SLC27A5: variants seen among roughly 807,000 people sequenced by gnomAD.
SLC27A5 encodes the protein solute carrier family 27 member 5, also known as long-chain fatty acid transport protein 5.
Under a neutral mutation model 63.1 loss-of-function variants are expected in SLC27A5, and 47 were observed. The ratio of observed to expected loss-of-function variants is 0.74; its 90% CI spans 0.59 to 0.95. The LOEUF is 0.95. Ranked by LOEUF, SLC27A5 falls within the 40% of genes least tolerant of loss-of-function variation. The pLI is 0.00. For synonymous variants in SLC27A5, 391 were observed against 403.8 expected, an observed-to-expected ratio of 0.97 and a Z score of 0.38; for missense variants, 940 against 921.0, an observed-to-expected ratio of 1.02 and a Z score of -0.27.
chr19:58,499,706 GA>G lies in SLC27A5; in HGVS notation c.1469-17del, dbSNP rs1426852914. On this transcript the variant is annotated splice_polypyrimidine_tract_variant and intron_variant, in intron 6 of 9. Transcript: ENST00000263093. ...CCCGGCTCCCCTGGGGTAGGAGCAG[GA>G]ACAAGAACCCCTGGAGCCCACCAGC... The G allele has an allele frequency of 1.4e-5, 22 of 1,608,984 alleles. No homozygotes were observed. Among genetic ancestry groups the G allele is most frequent in the Non-Finnish European group, 1.7e-5 (20 of 1,179,546 alleles).
chr19:58,499,258 G>A (rs776031430), intron 7 of SLC27A5, 38 bp from the exon 8 acceptor site: 28 of 1,587,040 alleles, frequency 1.8e-5, no homozygotes, highest in Admixed American at 1.7e-5. Flanking sequence ...CCACGCCCCC[G>A]GGAAGGAGAG....
intron 4 of SLC27A5, chr19:58,501,044 T>C: frequency 8.2e-7 from 1 of 1,221,316 alleles, no homozygotes; most frequent in Non-Finnish European, 1.0e-6. Flanking sequence ...TAATGGAAAT[T>C]CTCATGATAG....
intron 2 of SLC27A5, 34 bp from the exon 3 acceptor site, chr19:58,510,039 G>A (rs760053212): frequency 6.2e-7 from 1 of 1,603,094 alleles, no homozygotes; most frequent in African/African-American, 1.3e-5. Flanking sequence ...GCAGGGTGGT[G>A]ACATGACAGC....
At position 58,500,678 on chromosome 19, in the gene SLC27A5, C is replaced by A. The variant is rs752823931; in HGVS notation, c.1211G>T (p.Arg404Leu). Residue 404 changes from arginine (R) to leucine (L), a missense_variant, in exon 5 of 10, where the codon CGC becomes CTC. Transcript: ENST00000263093. ...CCGTAGTCCATTGCCCATTGCCAGG[C>A]GGACTGTATGTGTCCGGTCCTCTGG... ...QQPEDRTHTV[R>L]LAMGNGLRAD... 10 of 1,614,052 alleles carry A rather than the reference C, an allele frequency of 6.2e-6. No homozygotes were observed. The South Asian group carries it at 9.9e-5, about 16-fold the overall frequency.
chr19:58,511,338 C>A lies in SLC27A5; in HGVS notation c.618G>T (p.Pro206=), dbSNP rs141455759. 1.3e-6 allele frequency: 2 copies of A among 1,599,306 alleles called. No individual in the cohort carries two copies. The highest frequency in any genetic ancestry group is 1.7e-4 in the Middle Eastern group (1 of 5,944). The change falls in exon 1 of 10, where the codon CCG becomes CCT. Residue 206 remains proline, a synonymous_variant. Transcript: ENST00000263093. ...KLGCPTAWIN[P]HGRGMPLAHS... is the part of the protein sequence containing the mutation. Reference sequence around the variant, plus strand: ...GCGCCAGGGGCATCCCCCGGCCATGCGGGTTGATCCAGGCTGTTGGGCAGC... The same window carrying A: ...GCGCCAGGGGCATCCCCCGGCCATGAGGGTTGATCCAGGCTGTTGGGCAGC...
At chr19:58,499,464 C>G in intron 7 of SLC27A5, 28 bp downstream of exon 7, 2 of 1,609,974 alleles carry the variant, frequency 1.2e-6, no homozygotes, top group Non-Finnish European at 1.7e-6. Flanking sequence ...CCCGCGCCAG[C>G]CCCGCCCCGA....
At position 58,500,381 on chromosome 19, in the gene SLC27A5, GCTCCGCCGC is replaced by G. The variant is rs760807155; in HGVS notation, c.1417_1425del (p.Ala473_Glu475del). On this transcript the variant is annotated inframe_deletion, in exon 6 of 10. Transcript: ENST00000263093. ...CAGAAGCCCTGATTGTCCCTCACAG[GCTCCGCCGC>G]CTCCATGTCGAACTGCACCAGCTCA... The G allele has an allele frequency of 6.2e-7, 1 of 1,613,590 alleles. No homozygotes were observed. Among genetic ancestry groups the G allele is most frequent in the Non-Finnish European group, 8.5e-7 (1 of 1,179,976 alleles).
At chr19:58,505,646 C>T (rs1568631098) in intron 3 of SLC27A5, among the ~76,000 whole-genome samples, 1 of 148,856 alleles carries the variant, frequency 6.7e-6, no homozygotes, top group Non-Finnish European at 1.5e-5. Flanking sequence ...GAGTTTGAGA[C>T]AAGCCTGACC....
chr19:58,507,039 A>C (rs1203113977), intron 3 of SLC27A5, among the ~76,000 whole-genome samples: 1 of 151,248 alleles, frequency 6.6e-6, no homozygotes, highest in East Asian at 2.0e-4. Context: ...CACCGGGCAC[A>C]GCTAAACTTT....
chr19:58,501,866 G>A (rs145390495), intron 3 of SLC27A5, among the ~76,000 whole-genome samples: 386 of 152,088 alleles, frequency 2.5e-3, no homozygotes, highest in African/African-American at 8.7e-3. Flanking sequence ...AAGTACAGAC[G>A]GGGTTTCACC....
chr19:58,499,489 G>T lies in SLC27A5; in HGVS notation c.1667+3C>A. 6.2e-7 allele frequency: 1 copy of T among 1,612,782 alleles called. No homozygotes were observed. ...CCCCGCCCCGAGAAACCCTGCCTCGGACCGGAAGGTGTCCCCGAGGCGGTC... is the reference window on the plus strand; with the variant it reads ...CCCCGCCCCGAGAAACCCTGCCTCGTACCGGAAGGTGTCCCCGAGGCGGTC... On this transcript the variant is annotated splice_donor_region_variant and intron_variant, in intron 7 of 9. Coordinates refer to ENST00000263093, the MANE Select transcript of SLC27A5 (RefSeq NM_012254.3).
At chr19:58,502,097 T>TGGAAAGATGAATGGATGGAC (rs1164446391) in intron 3 of SLC27A5, among the ~76,000 whole-genome samples, 2 of 152,154 alleles carry the variant, frequency 1.3e-5, no homozygotes, top group African/African-American at 4.8e-5. Flanking sequence ...GGTGGATGGA[T>TGGAAAGATGAATGGATGGAC]GGAAAGATGA....
At position 58,511,964 on chromosome 19, in the gene SLC27A5, C is replaced by T. The variant is rs1189177985; in HGVS notation, c.-9G>A. Reference sequence around the variant, plus strand: ...TGTTGCCTGACACCCATGGTACCAGCTCCTCCCTAGGAGCAGCAGCTGTGG... The same window carrying T: ...TGTTGCCTGACACCCATGGTACCAGTTCCTCCCTAGGAGCAGCAGCTGTGG... On this transcript the variant is annotated 5_prime_UTR_variant, in exon 1 of 10. Transcript: ENST00000263093. 2.6e-6 allele frequency: 4 copies of T among 1,529,024 alleles called. No individual in the cohort carries two copies. In the South Asian group the frequency reaches 4.8e-5, roughly 18 times the overall value. The allele number at this position is 1,529,024 out of a possible 1,614,324, so 94.7% of individuals were successfully genotyped here.
intron 3 of SLC27A5, among the ~76,000 whole-genome samples, chr19:58,503,090 AG>A (rs1318648249): frequency 6.6e-6 from 1 of 152,062 alleles, no homozygotes; most frequent in African/African-American, 2.4e-5. Context: ...CTGTAGTCCC[AG>A]CTACTCGGGA....
intron 4 of SLC27A5, chr19:58,500,966 G>T: frequency 7.4e-7 from 1 of 1,348,864 alleles, no homozygotes; most frequent in Admixed American, 3.3e-5. Flanking sequence ...CCTCATCTGG[G>T]GTCTCACCTA....
chr19:58,500,400 G>A lies in SLC27A5; in HGVS notation c.1407C>T (p.Phe469=), dbSNP rs536826731. The A allele has an allele frequency of 1.9e-5, 31 of 1,613,734 alleles. No individual in the cohort carries two copies. The highest frequency in any genetic ancestry group is 3.3e-5 in the South Asian group (3 of 91,074). ...TCACAGGCTCCGCCGCCTCCATGTC[G>A]AACTGCACCAGCTCAAAGGGGGACA... ...RMLSPFELVQ[F]DMEAAEPVRD... is the part of the protein sequence containing the mutation. Residue 469 remains phenylalanine (F), a synonymous_variant, in exon 6 of 10, where the codon TTC becomes TTT. Coordinates refer to ENST00000263093, the MANE Select transcript of SLC27A5 (RefSeq NM_012254.3).
intron 2 of SLC27A5, 67 bp from the exon 3 acceptor site, chr19:58,510,072 G>T: frequency 6.6e-7 from 1 of 1,505,668 alleles, no homozygotes; most frequent in Non-Finnish European, 9.0e-7. Flanking sequence ...CTGACCAGAG[G>T]GATAGATCTC....
intron 3 of SLC27A5, among the ~76,000 whole-genome samples, chr19:58,502,177 TGG>T (rs2053281056): frequency 6.8e-6 from 1 of 147,600 alleles, no homozygotes; most frequent in Non-Finnish European, 1.5e-5. Context: ...AGTAGATGGA[TGG>T]GTGAACAGTT....
chr19:58,501,098 G>T, intron 4 of SLC27A5, 188 bp downstream of exon 4: 1 of 1,171,920 alleles, frequency 8.5e-7, no homozygotes, highest in Non-Finnish European at 1.2e-6. Flanking sequence ...GGACACTGAG[G>T]CTCAAGGTAG....
Sources: allele counts gnomAD v4.1 joint callset (sites outside exome capture counted in the v4.1 genomes callset), GRCh38; gene constraint gnomAD v4.1.1; transcripts MANE v1.5; gene names NCBI Gene and HGNC (gene_info 2026-07-23, HGNC 2026-07-21).